The following HS3ST2 variants were observed in gnomAD, a reference collection of about 807,000 sequenced individuals.
HS3ST2 encodes the protein heparan sulfate-glucosamine 3-sulfotransferase 2, also known as heparan sulfate glucosamine 3-O-sulfotransferase 2.
In HS3ST2, 17 loss-of-function variants were observed where a neutral mutation model predicts 26.3. The observed-to-expected ratio is 0.65, with a 90% confidence interval of 0.44 to 0.97. The LOEUF (loss-of-function observed/expected upper bound fraction) is 0.97, where lower values mean the gene tolerates loss of function less well. Among genes scored for constraint, HS3ST2 ranks in the 50% least tolerant of loss-of-function variants. The pLI, the probability that HS3ST2 is intolerant of heterozygous loss-of-function variation, is 0.00. For synonymous variants in HS3ST2, 237 were observed against 219.2 expected (o/e 1.08, Z -0.72); for missense variants, 402 against 501.2 (o/e 0.80, Z 1.89).
intron 1 of HS3ST2, among the ~76,000 whole-genome samples, chr16:22,857,171 C>G (rs1901607728): frequency 6.6e-6 from 1 of 152,140 alleles, no homozygotes; most frequent in African/African-American, 2.4e-5. Flanking sequence ...AATCCCATGA[C>G]TTTGTTTATG....
intron 1 of HS3ST2, among the ~76,000 whole-genome samples, chr16:22,902,235 A>G (rs1226508543): frequency 6.6e-6 from 1 of 152,248 alleles, no homozygotes; most frequent in African/African-American, 2.4e-5. Context: ...GCCAGATCAT[A>G]ATCTATCATA....
At chr16:22,832,538 TG>T (rs1901187984) in intron 1 of HS3ST2, among the ~76,000 whole-genome samples, 1 of 151,966 alleles carries the variant, frequency 6.6e-6, no homozygotes, top group African/African-American at 2.4e-5. Flanking sequence ...TGAATGATGT[TG>T]GGGTCTGAAG....
rs558122607 is a variant in HS3ST2, at chr16:22,823,085, T to C, written c.485+7990T>C. Among the ~76,000 whole-genome samples, 6 of 152,282 alleles carry C rather than the reference T, an allele frequency of 3.9e-5. No individual in the cohort carries two copies. The South Asian group carries it at 1.2e-3, about 32-fold the overall frequency. The stretch of plus-strand genomic sequence containing the variant: ...TGTGCAAGTATAGTTAAAATAAATA[T>C]TGTTTAAAAGCAACTTTATTTTGAA... On this transcript the variant is annotated intron_variant, in intron 1 of 1. Coordinates refer to ENST00000261374, the MANE Select transcript of HS3ST2 (RefSeq NM_006043.2).
intron 1 of HS3ST2, among the ~76,000 whole-genome samples, chr16:22,821,277 C>T (rs949853910): frequency 2.0e-5 from 3 of 151,706 alleles, no homozygotes; most frequent in Non-Finnish European, 4.4e-5. Context: ...ATCCAAAGGG[C>T]CCTAGCGGAT....
At chr16:22,845,107 G>A (rs1245487589) in intron 1 of HS3ST2, among the ~76,000 whole-genome samples, 1 of 147,964 alleles carries the variant, frequency 6.8e-6, no homozygotes, top group African/African-American at 2.7e-5. Flanking sequence ...GCCTGCCTCG[G>A]CCTCCCAAAG....
intron 1 of HS3ST2, among the ~76,000 whole-genome samples, chr16:22,901,261 G>A (rs1308860458): frequency 6.6e-6 from 1 of 152,204 alleles, no homozygotes; most frequent in Non-Finnish European, 1.5e-5. Context: ...ACATCAATTA[G>A]CCGATTCTGA....
intron 1 of HS3ST2, among the ~76,000 whole-genome samples, chr16:22,900,398 G>A (rs1257995415): frequency 6.6e-6 from 1 of 152,150 alleles, no homozygotes; most frequent in Non-Finnish European, 1.5e-5. Flanking sequence ...ACTCAGGCTG[G>A]AAGCTAGAAA....
Position 22,814,846 on chromosome 16 carries a change from C to T in HS3ST2, c.236C>T (p.Thr79Met), listed in dbSNP as rs561805580. The T allele has an allele frequency of 2.4e-5, 37 of 1,565,498 alleles. No individual in the cohort carries two copies. In the African/African-American group the frequency reaches 4.9e-4, roughly 21 times the overall value. ...KSRPCDPSGP[T>M]PSEPSAPSAP... ...CGCCCCTGTGATCCCTCCGGGCCGA[C>T]GCCCAGCGAGCCCAGCGCTCCCAGC... The change falls in exon 1 of 2, where the codon ACG (threonine) becomes ATG (methionine). Residue 79 changes from threonine to methionine, a missense_variant. This residue lies in a region of HS3ST2 where 165 missense variants were observed against 154.6 expected (regional missense o/e 1.07). Transcript: ENST00000261374.
intron 1 of HS3ST2, among the ~76,000 whole-genome samples, chr16:22,863,460 G>A (rs1158116928): frequency 6.6e-6 from 1 of 152,144 alleles, no homozygotes; most frequent in Non-Finnish European, 1.5e-5. Flanking sequence ...AGATTCAGGA[G>A]GTGCACGTAC....
intron 1 of HS3ST2, among the ~76,000 whole-genome samples, chr16:22,824,222 C>A (rs975206104): frequency 6.6e-6 from 1 of 152,236 alleles, no homozygotes; most frequent in South Asian, 2.1e-4. Flanking sequence ...AATACCTTTT[C>A]TTCCATTCTG....
chr16:22,889,239 G>T (rs1902101415), intron 1 of HS3ST2, among the ~76,000 whole-genome samples: 1 of 152,198 alleles, frequency 6.6e-6, no homozygotes, highest in Non-Finnish European at 1.5e-5. Flanking sequence ...GAAAGCTTCA[G>T]ACTCACAGAC....
chr16:22,832,491 C>A (rs778778951), intron 1 of HS3ST2, among the ~76,000 whole-genome samples: 12 of 151,742 alleles, frequency 7.9e-5, no homozygotes, highest in African/African-American at 2.7e-4. Context: ...TGGATGTGGG[C>A]GGTATTCAAG....
At chr16:22,817,235 C>T (rs1900883574) in intron 1 of HS3ST2, among the ~76,000 whole-genome samples, 2 of 152,146 alleles carry the variant, frequency 1.3e-5, no homozygotes, top group African/African-American at 4.8e-5. Context: ...CCCTCTACCA[C>T]CTTTCCCCAC....
chr16:22,878,981 C>T (rs1013882686), intron 1 of HS3ST2, among the ~76,000 whole-genome samples: 1 of 152,162 alleles, frequency 6.6e-6, no homozygotes, highest in African/African-American at 2.4e-5. Context: ...GGTCTCCTGG[C>T]GTTTGCCGAA....
At position 22,893,172 on chromosome 16, in the gene HS3ST2, G is replaced by A. The variant is rs934390365; in HGVS notation, c.486-21772G>A. On this transcript the variant is annotated intron_variant, in intron 1 of 1. Coordinates refer to ENST00000261374, the MANE Select transcript of HS3ST2 (RefSeq NM_006043.2). ...ATTTGTATCTTAGCTTCGCTATTCA[G>A]TACCTTGGGTCTTTGGGCGGGTTAC... 2.6e-5 allele frequency among the ~76,000 whole-genome samples: 4 copies of A among 152,302 alleles called. No individual in the cohort carries two copies. In the East Asian group the frequency reaches 7.7e-4, roughly 29 times the overall value.
At chr16:22,823,522 G>A (rs867592935) in intron 1 of HS3ST2, among the ~76,000 whole-genome samples, 1 of 152,128 alleles carries the variant, frequency 6.6e-6, no homozygotes, top group Admixed American at 6.5e-5. Flanking sequence ...GGCTGGGTGC[G>A]GTGGTAATGC....
At chr16:22,877,002 A>G (rs1901928846) in intron 1 of HS3ST2, among the ~76,000 whole-genome samples, 1 of 152,224 alleles carries the variant, frequency 6.6e-6, no homozygotes, top group African/African-American at 2.4e-5. Flanking sequence ...GGGATGAGAG[A>G]TAAAAGACTA....
chr16:22,871,479 G>C (rs1644469687), intron 1 of HS3ST2, among the ~76,000 whole-genome samples: 1 of 152,066 alleles, frequency 6.6e-6, no homozygotes, highest in Admixed American at 6.6e-5. Context: ...TACTAGGTTA[G>C]GTGCATTAAA....
At chr16:22,892,530 A>G (rs1397751489) in intron 1 of HS3ST2, among the ~76,000 whole-genome samples, 1 of 152,204 alleles carries the variant, frequency 6.6e-6, no homozygotes, top group Non-Finnish European at 1.5e-5. Flanking sequence ...TAATCACAGC[A>G]TAGCAGTTCA....
Sources: gnomAD v4.1 joint callset for allele counts (sites outside exome capture counted in the v4.1 genomes callset) on GRCh38, gnomAD v4.1.1 for gene constraint, gnomAD v4.1.1 regional missense constraint, MANE v1.5 for transcripts, NCBI Gene and HGNC (gene_info 2026-07-23, HGNC 2026-07-21) for gene names.